The following FERRY3 variants were observed in gnomAD, a reference collection of about 807,000 sequenced individuals.
FERRY3 encodes FERRY endosomal RAB5 effector complex subunit 3, also known as protein C12orf4.
At chr12:4,522,645 C>G in the FERRY3 span, among the ~76,000 whole-genome samples, 1 of 152,190 alleles carries the variant, frequency 6.6e-6, no homozygotes, top group East Asian at 1.9e-4. Context: ...ACCATATGAC[C>G]AAGCAATCCC....
the FERRY3 span, chr12:4,534,052 G>T: frequency 8.1e-7 from 1 of 1,236,620 alleles, no homozygotes. Context: ...ATTGTATGTG[G>T]AGAAAAAGGA....
At chr12:4,507,231 G>T in the FERRY3 span, among the ~76,000 whole-genome samples, 2 of 152,104 alleles carry the variant, frequency 1.3e-5, no homozygotes, top group Non-Finnish European at 2.9e-5. Context: ...TAGTTTGTAC[G>T]AGAAGAAGGA....
the FERRY3 span, among the ~76,000 whole-genome samples, chr12:4,499,830 G>A: frequency 6.6e-6 from 1 of 152,120 alleles, no homozygotes; most frequent in African/African-American, 2.4e-5. Flanking sequence ...GGAGAAGGAA[G>A]ACAGGGAAGA....
the FERRY3 span, among the ~76,000 whole-genome samples, chr12:4,529,260 G>A: frequency 6.6e-6 from 1 of 151,982 alleles, no homozygotes; most frequent in East Asian, 1.9e-4. Flanking sequence ...CCATACAGCA[G>A]GAATTCAAAT....
At chr12:4,518,060 C>T in the FERRY3 span, 1 of 1,602,134 alleles carries the variant, frequency 6.2e-7, no homozygotes, top group Non-Finnish European at 8.6e-7. Flanking sequence ...TAACTTACCT[C>T]TTTTAATACC....
chr12:4,491,272 A>G, the FERRY3 span: 25 of 1,547,380 alleles, frequency 1.6e-5, no homozygotes, highest in Admixed American at 2.3e-4. Context: ...TGTTTTTGAT[A>G]GAACTTTGTA....
the FERRY3 span, chr12:4,525,433 A>C: frequency 6.2e-7 from 1 of 1,601,096 alleles, no homozygotes; most frequent in Non-Finnish European, 8.5e-7. Context: ...ACAAACAAAA[A>C]AACAAAAGAA....
chr12:4,512,547 C>G, the FERRY3 span, among the ~76,000 whole-genome samples: 1 of 151,704 alleles, frequency 6.6e-6, no homozygotes, highest in Non-Finnish European at 1.5e-5. Flanking sequence ...CCACCATGAT[C>G]AAGTGGGCTT....
chr12:4,498,513 C>CT, the FERRY3 span, among the ~76,000 whole-genome samples: 1 of 152,274 alleles, frequency 6.6e-6, no homozygotes, highest in East Asian at 1.9e-4. Context: ...ATTAGTAAGT[C>CT]TGATGAAGCT....
At chr12:4,523,689 C>T in the FERRY3 span, among the ~76,000 whole-genome samples, 2 of 152,166 alleles carry the variant, frequency 1.3e-5, no homozygotes, top group Non-Finnish European at 1.5e-5. Flanking sequence ...AACCATCATT[C>T]TCAGCCAACT....
At chr12:4,518,357 C>A in the FERRY3 span, 1 of 1,046,154 alleles carries the variant, frequency 9.6e-7, no homozygotes, top group Non-Finnish European at 1.4e-6. Flanking sequence ...TAAATCTGTA[C>A]CACAAAATAA....
the FERRY3 span, among the ~76,000 whole-genome samples, chr12:4,497,361 T>C: frequency 0.1 from 15,699 of 152,188 alleles, 914 homozygotes; most frequent in Non-Finnish European, 0.12. Flanking sequence ...GGGAGTGTGG[T>C]TTAACTGACT....
the FERRY3 span, among the ~76,000 whole-genome samples, chr12:4,513,545 G>T: frequency 2.0e-5 from 3 of 151,050 alleles, no homozygotes; most frequent in Non-Finnish European, 3.0e-5. Context: ...CCAAAACAGA[G>T]ATATAGATCA....
At chr12:4,528,232 T>C in the FERRY3 span, among the ~76,000 whole-genome samples, 1 of 152,068 alleles carries the variant, frequency 6.6e-6, no homozygotes, top group Non-Finnish European at 1.5e-5. Flanking sequence ...TCAGGATGAC[T>C]TGAAGGTTAT....
the FERRY3 span, among the ~76,000 whole-genome samples, chr12:4,536,508 T>G: frequency 1.3e-5 from 2 of 151,870 alleles, no homozygotes; most frequent in African/African-American, 4.8e-5. Flanking sequence ...GGAAGGACCA[T>G]GGAGAGAAGA....
chr12:4,492,511 A>G, the FERRY3 span, among the ~76,000 whole-genome samples: 1 of 152,232 alleles, frequency 6.6e-6, no homozygotes, highest in African/African-American at 2.4e-5. Flanking sequence ...ATCAATGATT[A>G]TTAATTACCA....
the FERRY3 span, among the ~76,000 whole-genome samples, chr12:4,531,037 T>A: frequency 1.3e-5 from 2 of 152,048 alleles, no homozygotes; most frequent in African/African-American, 4.8e-5. Context: ...ATTTATAATA[T>A]GACTTAAGAG....
At chr12:4,537,766 TATA>T in the FERRY3 span, among the ~76,000 whole-genome samples, 9 of 152,206 alleles carry the variant, frequency 5.9e-5, no homozygotes, top group South Asian at 2.1e-4. Context: ...TACAAATTTT[TATA>T]ATGTTAGAAA....
At chr12:4,534,691 C>T in the FERRY3 span, among the ~76,000 whole-genome samples, 1 of 152,166 alleles carries the variant, frequency 6.6e-6, no homozygotes, top group Non-Finnish European at 1.5e-5. Context: ...GTGTGAGCCA[C>T]CTTGCCCAGA....
Sources: allele counts gnomAD v4.1 joint callset (sites outside exome capture counted in the v4.1 genomes callset), GRCh38; gene constraint gnomAD v4.1.1; transcripts MANE v1.5; gene names NCBI Gene and HGNC (gene_info 2026-07-23, HGNC 2026-07-21).